Variants in LDB3 observed in about 807,000 individuals in gnomAD.
The protein encoded by LDB3 is LIM domain binding 3.
A neutral mutation model predicts 69.0 loss-of-function variants in LDB3; 49 were observed. The observed-to-expected ratio is 0.71, with a 90% confidence interval of 0.56 to 0.90. LDB3 has a LOEUF of 0.90. LDB3 is among the 40% of genes least tolerant of loss of function. LDB3 has a pLI of 0.00. For synonymous variants in LDB3, 387 were observed against 396.2 expected, an observed-to-expected ratio of 0.98 and a Z score of 0.28; for missense variants, 928 against 974.1, an observed-to-expected ratio of 0.95 and a Z score of 0.63.
At chr10:86,723,115 A>G (rs4556455) in intron 12 of LDB3, among the ~76,000 whole-genome samples, 35,144 of 151,246 alleles carry the variant, frequency 0.23, 4,827 homozygotes, top group East Asian at 0.57. Flanking sequence ...ACAAAAAAAA[A>G]TTAAAGTAGC....
At chr10:86,706,509 CT>C (rs1056917479) in intron 7 of LDB3, 21 bp from the exon 8 acceptor site, 1 of 1,610,548 alleles carries the variant, frequency 6.2e-7, no homozygotes. Context: ...GACCTGTTGT[CT>C]TTTTGGTCCC....
At chr10:86,722,392 C>G (rs1320080618) in intron 12 of LDB3, among the ~76,000 whole-genome samples, 2 of 151,860 alleles carry the variant, frequency 1.3e-5, no homozygotes, top group African/African-American at 4.8e-5. Context: ...TCCCAAGTAG[C>G]TGGGACTACA....
chr10:86,685,749 C>T (rs1346032808), intron 5 of LDB3: 3 of 1,606,534 alleles, frequency 1.9e-6, no homozygotes, highest in Non-Finnish European at 2.6e-6. Context: ...CCAGCCCCAG[C>T]ATGTGTCTGC....
intron 9 of LDB3, among the ~76,000 whole-genome samples, chr10:86,711,512 G>A (rs1327397670): frequency 6.6e-6 from 1 of 151,926 alleles, no homozygotes; most frequent in African/African-American, 2.4e-5. Flanking sequence ...GTCCGGGGGC[G>A]GCTGGCAGGC....
At chr10:86,717,841 C>A in intron 10 of LDB3, 123 bp from the exon 11 acceptor site, 1 of 872,236 alleles carries the variant, frequency 1.1e-6, no homozygotes, top group Non-Finnish European at 1.8e-6. Context: ...CACATTACTT[C>A]ATCAGAACAG....
At chr10:86,712,157 C>G (rs1846694308) in intron 9 of LDB3, among the ~76,000 whole-genome samples, 1 of 151,848 alleles carries the variant, frequency 6.6e-6, no homozygotes. Flanking sequence ...ACGGAGCTGC[C>G]GGGCCGGGCC....
In LDB3 at chr10:86,679,347, C is replaced by T. The variant is rs779928559; in HGVS notation, c.94-20C>T. ...GACCACCTTCCTTATGCTCACCCCCCACCTCCACTATCCAATCAGATCACA... is the reference window on the plus strand; with the variant it reads ...GACCACCTTCCTTATGCTCACCCCCTACCTCCACTATCCAATCAGATCACA... On this transcript the variant is annotated intron_variant, in intron 2 of 13. Transcript: ENST00000361373. 57 of 1,613,994 alleles carry T rather than the reference C, an allele frequency of 3.5e-5. No individual in the cohort carries two copies. The highest frequency in any genetic ancestry group is 1.2e-4 in the South Asian group (11 of 91,090).
intron 12 of LDB3, among the ~76,000 whole-genome samples, chr10:86,722,346 C>G (rs559087957): frequency 1.3e-5 from 2 of 152,086 alleles, no homozygotes; most frequent in Non-Finnish European, 2.9e-5. Flanking sequence ...CTGCAAGCTC[C>G]GCCTCTGGGG....
intron 7 of LDB3, among the ~76,000 whole-genome samples, chr10:86,698,420 G>A (rs1458743575): frequency 1.3e-5 from 2 of 152,244 alleles, no homozygotes; most frequent in Non-Finnish European, 2.9e-5. Context: ...CTCTGGTCTG[G>A]AGGATGTGAT....
At chr10:86,703,661 A>G (rs1032821346) in intron 7 of LDB3, among the ~76,000 whole-genome samples, 1 of 152,020 alleles carries the variant, frequency 6.6e-6, no homozygotes, top group South Asian at 2.1e-4. Context: ...TTTACCATAC[A>G]CCTCACCAGA....
intron 12 of LDB3, among the ~76,000 whole-genome samples, chr10:86,722,470 C>T (rs1847111620): frequency 6.6e-6 from 1 of 151,394 alleles, no homozygotes; most frequent in Non-Finnish European, 1.5e-5. Flanking sequence ...CCATGTTAGC[C>T]AGGATGGTCT....
intron 7 of LDB3, among the ~76,000 whole-genome samples, chr10:86,698,699 A>C (rs1846115123): frequency 6.6e-6 from 1 of 152,156 alleles, no homozygotes; most frequent in African/African-American, 2.4e-5. Context: ...CCTGGCGAGC[A>C]GGGGTGGGCA....
intron 2 of LDB3, among the ~76,000 whole-genome samples, chr10:86,671,963 T>C (rs1443712399): frequency 6.6e-6 from 1 of 151,972 alleles, no homozygotes; most frequent in African/African-American, 2.4e-5. Context: ...AATACAAAAA[T>C]TAGCCAGGTG....
At position 86,687,177 on chromosome 10, in the gene LDB3, T is replaced by C. The variant is rs768048953; in HGVS notation, c.690-4719T>C. ...TGGGCGGCAAGGCCACCATCATCCA[T>C]GCGCAGTACAACACGCCCATCAGCA... On this transcript the variant is annotated intron_variant, in intron 5 of 13. Transcript: ENST00000361373. 2.5e-6 allele frequency: 4 copies of C among 1,614,204 alleles called. No homozygotes were observed. Among genetic ancestry groups the C allele is most frequent in the Non-Finnish European group, 2.5e-6 (3 of 1,180,040 alleles).
At chr10:86,693,221 A>G (rs968940533) in intron 7 of LDB3, among the ~76,000 whole-genome samples, 1 of 150,706 alleles carries the variant, frequency 6.6e-6, no homozygotes, top group African/African-American at 2.5e-5. Flanking sequence ...TGCTCATAGC[A>G]TGAGGTGGGC....
intron 13 of LDB3, chr10:86,726,599 TTA>T (rs2132504393): frequency 2.6e-6 from 1 of 388,228 alleles, no homozygotes; most frequent in East Asian, 6.1e-5. Context: ...CTTCCCATGG[TTA>T]TATGTCACTT....
rs1380193786 is a variant in LDB3 at position 86,716,634 on chromosome 10, C to T, written c.1539C>T (p.Thr513=). 1.2e-6 allele frequency: 2 copies of T among 1,613,964 alleles called. No homozygotes were observed. Among genetic ancestry groups the T allele is most frequent in the Non-Finnish European group, 8.5e-7 (1 of 1,179,968 alleles). Residue 513 remains threonine, a synonymous_variant, in exon 10 of 14, where the codon ACC becomes ACT. Transcript: ENST00000361373. Reference sequence around the variant, plus strand: ...GCACCACCTCCATCAGCAAGCAGACCCTGCCCCGGGGAGGCCCAGCCTACA... The same window carrying T: ...GCACCACCTCCATCAGCAAGCAGACTCTGCCCCGGGGAGGCCCAGCCTACA... ...GKSTTSISKQ[T]LPRGGPAYTP... is the part of the protein sequence containing the mutation.
chr10:86,681,933 T>C (rs953417349), intron 5 of LDB3, 130 bp downstream of exon 5: 2 of 945,782 alleles, frequency 2.1e-6, no homozygotes, highest in African/African-American at 1.6e-5. Flanking sequence ...GCCCATGAGG[T>C]CAGCAGTGAT....
Position 86,718,848 on chromosome 10 carries a change from G to T in LDB3, c.1978+1G>T. On this transcript the variant is annotated splice_donor_variant, in intron 12 of 13. Transcript: ENST00000361373. LOFTEE classifies it high-confidence loss of function. Reference sequence around the variant, plus strand: ...GACGGGGAGCCCTACTGCGAGAAAGGTAGGAACACTTCGATGGCATGTGGG... The same window carrying T: ...GACGGGGAGCCCTACTGCGAGAAAGTTAGGAACACTTCGATGGCATGTGGG... The T allele has an allele frequency of 6.2e-7, 1 of 1,614,040 alleles. No homozygotes were observed. The highest frequency in any genetic ancestry group is 1.1e-5 in the South Asian group (1 of 91,076).
Sources: gnomAD v4.1 joint callset for allele counts (sites outside exome capture counted in the v4.1 genomes callset) on GRCh38, gnomAD v4.1.1 for gene constraint, MANE v1.5 for transcripts, NCBI Gene and HGNC (gene_info 2026-07-23, HGNC 2026-07-21) for gene names.